The following GALK2 variants were observed in gnomAD, a reference collection of about 807,000 sequenced individuals.
The protein encoded by GALK2 is galactokinase 2.
In GALK2, 36 loss-of-function variants were observed where a neutral mutation model predicts 52.4. The ratio of observed to expected loss-of-function variants is 0.69; its 90% confidence interval spans 0.53 to 0.91. The LOEUF (loss-of-function observed/expected upper bound fraction) is 0.91, where lower values mean the gene tolerates loss of function less well. Ranked by LOEUF, GALK2 falls within the 40% of genes least tolerant of loss-of-function variation. The pLI, the probability that GALK2 is intolerant of heterozygous loss-of-function variation, is 0.00. For synonymous variants in GALK2, 176 were observed against 199.1 expected, an observed-to-expected ratio of 0.88 and a Z score of 0.98; for missense variants, 579 against 559.1, an observed-to-expected ratio of 1.04 and a Z score of -0.36.
Position 49,328,603 on chromosome 15 carries a change from TTGATGATGGTGA to T in GALK2, c.*453_*464del, listed in dbSNP as rs779480779. ...TCTTCCTCAAAGTTGTAGTTGTCTG[TTGATGATGGTGA>T]TGATGATGATGATGACGATAGTGAT... On this transcript the variant is annotated 3_prime_UTR_variant, in exon 10 of 10. Transcript: ENST00000560031. 6.3e-7 allele frequency: 1 copy of T among 1,594,720 alleles called. No individual in the cohort carries two copies. Among genetic ancestry groups the T allele is most frequent in the Non-Finnish European group, 8.6e-7 (1 of 1,167,428 alleles).
At chr15:49,241,231 G>A (rs2091076816) in intron 5 of GALK2, among the ~76,000 whole-genome samples, 1 of 152,176 alleles carries the variant, frequency 6.6e-6, no homozygotes, top group African/African-American at 2.4e-5. Context: ...ATCTGGACTT[G>A]AGATGGTACA....
At chr15:49,355,400 C>T (rs1483106810) in intron 3 of GALK2, among the ~76,000 whole-genome samples, 1 of 152,144 alleles carries the variant, frequency 6.6e-6, no homozygotes, top group Non-Finnish European at 1.5e-5. Flanking sequence ...CCTAAAGGAG[C>T]TAATGGAGCT....
At chr15:49,192,485 G>GTGTGTA (rs1360198549) in intron 1 of GALK2, among the ~76,000 whole-genome samples, 8 of 102,972 alleles carry the variant, frequency 7.8e-5, no homozygotes, top group African/African-American at 3.2e-4. Context: ...ATATATATAT[G>GTGTGTA]TATATATATA....
intron 5 of GALK2, among the ~76,000 whole-genome samples, chr15:49,243,761 A>T (rs2091212402): frequency 6.6e-6 from 1 of 152,132 alleles, no homozygotes; most frequent in African/African-American, 2.4e-5. Flanking sequence ...TTACTTTTTT[A>T]AAAAAGGAAC....
chr15:49,293,742 A>G (rs1300079429), intron 8 of GALK2, among the ~76,000 whole-genome samples: 2 of 152,142 alleles, frequency 1.3e-5, no homozygotes, highest in Non-Finnish European at 2.9e-5. Context: ...AGGTACTAAT[A>G]GAGTGATGAG....
At chr15:49,183,417 C>T (rs1159960580) in intron 1 of GALK2, among the ~76,000 whole-genome samples, 2 of 152,164 alleles carry the variant, frequency 1.3e-5, no homozygotes, top group East Asian at 3.8e-4. Context: ...TATTCATTGA[C>T]CTACTGGTCA....
At chr15:49,180,529 CT>C (rs1345397030) in intron 1 of GALK2, among the ~76,000 whole-genome samples, 5 of 152,198 alleles carry the variant, frequency 3.3e-5, no homozygotes, top group Admixed American at 6.5e-5. Context: ...ATTCCACACA[CT>C]ACCCAGTGAG....
At chr15:49,276,232 AAAAT>A (rs1216152825) in intron 5 of GALK2, among the ~76,000 whole-genome samples, 1 of 152,224 alleles carries the variant, frequency 6.6e-6, no homozygotes, top group Non-Finnish European at 1.5e-5. Flanking sequence ...AGAGCAAAAG[AAAAT>A]ACATGGTAGA....
intron 1 of GALK2, among the ~76,000 whole-genome samples, chr15:49,186,453 G>T (rs1451130449): frequency 6.7e-6 from 1 of 149,966 alleles, no homozygotes; most frequent in Non-Finnish European, 1.5e-5. Context: ...TAGAATTTCT[G>T]TTTGATTCTT....
At chr15:49,164,780 C>CAAAAAAAAAAA (rs36107125) in intron 1 of GALK2, among the ~76,000 whole-genome samples, 14 of 65,186 alleles carry the variant, frequency 2.1e-4, no homozygotes, top group African/African-American at 3.4e-4. Flanking sequence ...AACTCCGTCT[C>CAAAAAAAAAAA]AAAAAAAAAA....
chr15:49,229,230 T>C (rs760955283), intron 3 of GALK2, among the ~76,000 whole-genome samples: 6 of 152,202 alleles, frequency 3.9e-5, no homozygotes, highest in Admixed American at 1.3e-4. Flanking sequence ...CCTTTGGCTA[T>C]AAACAGTATC....
chr15:49,326,743 AT>A (rs1177389809), intron 9 of GALK2, among the ~76,000 whole-genome samples: 2 of 152,010 alleles, frequency 1.3e-5, no homozygotes, highest in Middle Eastern at 3.4e-3. Context: ...GTTTGTAAGC[AT>A]TTTTTTTCTT....
chr15:49,258,786 A>ATGTGTG (rs1347227226), intron 5 of GALK2, among the ~76,000 whole-genome samples: 6 of 109,708 alleles, frequency 5.5e-5, no homozygotes, highest in South Asian at 3.6e-4. Context: ...GCATATATAT[A>ATGTGTG]TATATATATG....
chr15:49,207,042 C>T (rs894112194), intron 2 of GALK2, among the ~76,000 whole-genome samples: 3 of 152,132 alleles, frequency 2.0e-5, no homozygotes, highest in African/African-American at 7.2e-5. Flanking sequence ...GAGTCTTAAT[C>T]ATAAAGCTTG....
At chr15:49,319,024 C>T (rs974105818) in intron 8 of GALK2, 6 of 434,044 alleles carry the variant, frequency 1.4e-5, no homozygotes, top group Admixed American at 5.2e-5. Flanking sequence ...GATCTCAGCT[C>T]ACTGCAACCT....
intron 2 of GALK2, among the ~76,000 whole-genome samples, chr15:49,207,997 T>A (rs2088457971): frequency 6.6e-6 from 1 of 152,212 alleles, no homozygotes; most frequent in Non-Finnish European, 1.5e-5. Flanking sequence ...GGTCTTGAAC[T>A]CCTGACCTCA....
At chr15:49,325,876 TA>T (rs1440493266) in intron 9 of GALK2, among the ~76,000 whole-genome samples, 1 of 152,214 alleles carries the variant, frequency 6.6e-6, no homozygotes, top group Non-Finnish European at 1.5e-5. Flanking sequence ...TGGAAACTAG[TA>T]AAAGTCTCAG....
chr15:49,187,339 A>G (rs1410811447), intron 1 of GALK2, among the ~76,000 whole-genome samples: 1 of 152,204 alleles, frequency 6.6e-6, no homozygotes, highest in East Asian at 1.9e-4. Context: ...GATGGGAGAC[A>G]CAAGTAGACT....
chr15:49,305,246 C>T (rs2035450423), intron 8 of GALK2, among the ~76,000 whole-genome samples: 1 of 152,000 alleles, frequency 6.6e-6, no homozygotes, highest in Non-Finnish European at 1.5e-5. Flanking sequence ...GTAATGACAA[C>T]AAAAATAATG....
Sources: gnomAD v4.1 joint callset for allele counts (sites outside exome capture counted in the v4.1 genomes callset) on GRCh38, gnomAD v4.1.1 for gene constraint, MANE v1.5 for transcripts, NCBI Gene and HGNC (gene_info 2026-07-23, HGNC 2026-07-21) for gene names.